Variants in NEDD4L observed in about 807,000 individuals in gnomAD.
NEDD4L encodes E3 ubiquitin-protein ligase NEDD4-like.
Under a neutral mutation model 148.9 loss-of-function variants are expected in NEDD4L, and 54 were observed. That is an observed-to-expected ratio of 0.36 (90% CI 0.29 to 0.45). The LOEUF is 0.45. Among genes scored for constraint, NEDD4L ranks in the 20% least tolerant of loss-of-function variants. The probability of loss-of-function intolerance (pLI) is 1.00; values close to 1 mark genes in which losing one functional copy is unlikely to be tolerated. For synonymous variants in NEDD4L, 433 were observed against 440.7 expected, an observed-to-expected ratio of 0.98 and a Z score of 0.22; for missense variants, 856 against 1,233.8, an observed-to-expected ratio of 0.69 and a Z score of 4.59.
At chr18:58,129,698 G>A (rs866191770) in intron 1 of NEDD4L, among the ~76,000 whole-genome samples, 34 of 152,238 alleles carry the variant, frequency 2.2e-4, no homozygotes, top group Non-Finnish European at 4.3e-4. Context: ...TTGTCCACAC[G>A]CGTGGCTTCA....
At chr18:58,324,019 A>C (rs1215054700) in intron 8 of NEDD4L, among the ~76,000 whole-genome samples, 1 of 152,214 alleles carries the variant, frequency 6.6e-6, no homozygotes, top group Non-Finnish European at 1.5e-5. Context: ...TATATGTGAT[A>C]TGTGAATAAT....
intron 13 of NEDD4L, among the ~76,000 whole-genome samples, chr18:58,339,563 A>G (rs893772094): frequency 3.3e-5 from 5 of 152,172 alleles, no homozygotes; most frequent in African/African-American, 1.2e-4. Flanking sequence ...GTCTTTATAA[A>G]CTATCTTTAG....
intron 5 of NEDD4L, among the ~76,000 whole-genome samples, chr18:58,314,113 C>T (rs2058001305): frequency 6.6e-6 from 1 of 152,018 alleles, no homozygotes; most frequent in Non-Finnish European, 1.5e-5. Context: ...TTTATATTAG[C>T]TTTAAAATTA....
At chr18:58,082,102 A>ATATATATATATTTT in intron 1 of NEDD4L, among the ~76,000 whole-genome samples, 2 of 48,830 alleles carry the variant, frequency 4.1e-5, no homozygotes, top group Non-Finnish European at 3.1e-5. Flanking sequence ...ATATATATAT[A>ATATATATATATTTT]TTTTTTTTTT....
At chr18:58,284,104 AG>A (rs1328797998) in intron 5 of NEDD4L, among the ~76,000 whole-genome samples, 3 of 152,242 alleles carry the variant, frequency 2.0e-5, no homozygotes, top group Non-Finnish European at 4.4e-5. Flanking sequence ...TTGGACTTCC[AG>A]CCTCCAGAAC....
intron 5 of NEDD4L, among the ~76,000 whole-genome samples, chr18:58,311,689 T>A (rs774305399): frequency 1.3e-5 from 2 of 151,948 alleles, no homozygotes; most frequent in Non-Finnish European, 2.9e-5. Flanking sequence ...ACCCTAAAGA[T>A]AAGAGTCCCT....
intron 6 of NEDD4L, among the ~76,000 whole-genome samples, chr18:58,318,332 G>C (rs79060895): frequency 0.095 from 14,445 of 152,264 alleles, 749 homozygotes; most frequent in Non-Finnish European, 0.11. Context: ...GAGGCAGGAG[G>C]ATCGCTTGAG....
chr18:58,319,927 G>A (rs982043990), intron 6 of NEDD4L, among the ~76,000 whole-genome samples: 2 of 152,146 alleles, frequency 1.3e-5, no homozygotes, highest in Non-Finnish European at 2.9e-5. Context: ...CCTCACAACA[G>A]CCCTGTAAGT....
At chr18:58,232,517 G>A (rs932017277) in intron 2 of NEDD4L, among the ~76,000 whole-genome samples, 16 of 152,284 alleles carry the variant, frequency 1.1e-4, no homozygotes, top group Non-Finnish European at 1.6e-4. Flanking sequence ...CTTTCTTCTT[G>A]ATAGTGCATG....
intron 1 of NEDD4L, among the ~76,000 whole-genome samples, chr18:58,152,666 C>T (rs944458453): frequency 6.6e-6 from 1 of 152,170 alleles, no homozygotes; most frequent in Non-Finnish European, 1.5e-5. Context: ...TCTGGAGATT[C>T]GGATTCTGGA....
At chr18:58,183,438 A>G (rs543623383) in intron 2 of NEDD4L, among the ~76,000 whole-genome samples, 75 of 152,308 alleles carry the variant, frequency 4.9e-4, no homozygotes, top group Admixed American at 1.2e-3. Context: ...AGAGAGTGGC[A>G]TTTGTGCCGG....
intron 1 of NEDD4L, among the ~76,000 whole-genome samples, chr18:58,145,895 A>AC (rs1164384448): frequency 1.5e-5 from 2 of 136,964 alleles, no homozygotes; most frequent in African/African-American, 2.5e-5. Context: ...TGAAAAATGT[A>AC]CATTTTTTTA....
chr18:58,236,632 A>C (rs1330367180), intron 2 of NEDD4L, among the ~76,000 whole-genome samples: 2 of 152,242 alleles, frequency 1.3e-5, no homozygotes, highest in African/African-American at 2.4e-5. Flanking sequence ...GATGTCTCTG[A>C]GGCACCAGGC....
At chr18:58,248,575 C>T (rs2047545130) in intron 3 of NEDD4L, among the ~76,000 whole-genome samples, 1 of 152,160 alleles carries the variant, frequency 6.6e-6, no homozygotes, top group South Asian at 2.1e-4. Flanking sequence ...AAGTTCATTT[C>T]CTTCTTGGTA....
rs1239986816 is a variant in NEDD4L at position 58,066,414 on chromosome 18, G to A, written c.48+21706G>A. Among the ~76,000 whole-genome samples, 8 of 39,334 alleles carry A rather than the reference G, an allele frequency of 2.0e-4. No homozygotes were observed. The East Asian group carries it at 0.014, about 66-fold the overall frequency. 25.8% of individuals were successfully genotyped at this position (39,334 alleles called of 152,430 possible). A position where few individuals can be genotyped will look rare whatever the true frequency, so the allele number is the denominator to read the frequency against. On this transcript the variant is annotated intron_variant, in intron 1 of 30. Coordinates refer to ENST00000400345, the MANE Select transcript of NEDD4L (RefSeq NM_001144967.3). ...TTTTTTTTTTTTTTTTTTTTTTAACGGAGTCTCTCTCTTTCACCCAGGCTG... is the reference window on the plus strand; with the variant it reads ...TTTTTTTTTTTTTTTTTTTTTTAACAGAGTCTCTCTCTTTCACCCAGGCTG...
At chr18:58,121,648 A>G (rs2029919930) in intron 1 of NEDD4L, among the ~76,000 whole-genome samples, 1 of 152,220 alleles carries the variant, frequency 6.6e-6, no homozygotes, top group Non-Finnish European at 1.5e-5. Context: ...GGCTCAAGTC[A>G]TCATCCTGTG....
In NEDD4L at chr18:58,227,124, A is replaced by C. The variant is rs114694777; in HGVS notation, c.123-18303A>C. ...TCTTTAGTTTTTATCATCTTCTAAC[A>C]CTGTGAACTTTAGTAATTTATTCTG... On this transcript the variant is annotated intron_variant, in intron 2 of 30. Coordinates refer to ENST00000400345, the MANE Select transcript of NEDD4L (RefSeq NM_001144967.3). Among the ~76,000 whole-genome samples, 302 of 152,190 alleles carry C rather than the reference A, an allele frequency of 2.0e-3. 1 individual carries two copies. Among genetic ancestry groups the C allele is most frequent in the African/African-American group, 6.9e-3 (286 of 41,530 alleles).
At chr18:58,215,875 T>C (rs2043110772) in intron 2 of NEDD4L, among the ~76,000 whole-genome samples, 1 of 151,960 alleles carries the variant, frequency 6.6e-6, no homozygotes, top group Admixed American at 6.5e-5. Context: ...ATATGTAATA[T>C]ATGTTTCTGA....
intron 2 of NEDD4L, among the ~76,000 whole-genome samples, chr18:58,228,217 A>G (rs1733032614): frequency 6.6e-6 from 1 of 152,130 alleles, no homozygotes; most frequent in South Asian, 2.1e-4. Context: ...GTTCGCAAGG[A>G]GCTTCCAGAC....
Sources: allele counts gnomAD v4.1 joint callset (sites outside exome capture counted in the v4.1 genomes callset), GRCh38; gene constraint gnomAD v4.1.1; transcripts MANE v1.5; gene names NCBI Gene and HGNC (gene_info 2026-07-23, HGNC 2026-07-21).